The following PTDSS2 variants were observed in gnomAD, a reference collection of about 807,000 sequenced individuals.
PTDSS2 encodes PSS-2.
In PTDSS2, 41 loss-of-function variants were observed where a neutral mutation model predicts 64.7. That is an observed-to-expected ratio of 0.63 (90% CI 0.49 to 0.82). The LOEUF is 0.82. PTDSS2 is among the 40% of genes least tolerant of loss of function. PTDSS2 has a pLI of 0.00. For missense variants in PTDSS2, 485 were observed against 650.0 expected, an observed-to-expected ratio of 0.75 and a Z score of 2.76; for synonymous variants, 297 against 277.8, an observed-to-expected ratio of 1.07 and a Z score of -0.69.
At chr11:457,372 G>T (rs906597364) in intron 1 of PTDSS2, among the ~76,000 whole-genome samples, 1 of 152,252 alleles carries the variant, frequency 6.6e-6, no homozygotes, top group East Asian at 1.9e-4. Flanking sequence ...AGTCGTGTGT[G>T]GGTGACAGCA....
At position 490,825 on chromosome 11, in the gene PTDSS2, T is replaced by G. The variant is rs981234270; in HGVS notation, c.*243T>G. 1.3e-5 allele frequency: 7 copies of G among 558,460 alleles called. No homozygotes were observed. The highest frequency in any genetic ancestry group is 1.9e-5 in the African/African-American group (1 of 52,326). The allele number at this position is 558,460 out of a possible 1,614,324, so 34.6% of individuals were successfully genotyped here. ...GCGTGTGTACGCGCGTGTGTACACA[T>G]GCGTGGCCGCCTGTGGTGTGCACGT... On this transcript the variant is annotated 3_prime_UTR_variant, in exon 12 of 12. Transcript: ENST00000308020.
intron 4 of PTDSS2, 114 bp from the exon 5 acceptor site, chr11:486,825 G>A (rs1848414137): frequency 7.3e-7 from 1 of 1,375,538 alleles, no homozygotes; most frequent in Non-Finnish European, 9.6e-7. Flanking sequence ...TCCAGCCTGG[G>A]CGACAGAGCG....
Position 489,961 on chromosome 11 carries a change from G to C in PTDSS2, c.1194G>C (p.Lys398Asn). 3 of 1,611,674 alleles carry C rather than the reference G, an allele frequency of 1.9e-6. No individual in the cohort carries two copies. Among genetic ancestry groups the C allele is most frequent in the Non-Finnish European group, 2.5e-6 (3 of 1,179,800 alleles). The change falls in exon 11 of 12, where the codon AAG becomes AAC. Residue 398 changes from lysine (K) to asparagine (N), a missense_variant. Lys to Asn is a moderately conservative substitution (Grantham distance 94). Transcript: ENST00000308020. ...ITATELLIVV[K>N]YDPHTLTLSL... Reference sequence around the variant, plus strand: ...CCACGGAGCTGCTCATCGTGGTGAAGTACGACCCCCACACGCTCACCCTGT... The same window carrying C: ...CCACGGAGCTGCTCATCGTGGTGAACTACGACCCCCACACGCTCACCCTGT...
At chr11:485,121 G>T (rs139668637) in intron 4 of PTDSS2, among the ~76,000 whole-genome samples, 2 of 122,800 alleles carry the variant, frequency 1.6e-5, no homozygotes, top group Non-Finnish European at 3.3e-5. Flanking sequence ...GCACGGGCGC[G>T]TGTGCTCACT....
intron 1 of PTDSS2, among the ~76,000 whole-genome samples, chr11:456,885 A>G (rs1000281784): frequency 7.2e-5 from 11 of 152,196 alleles, no homozygotes; most frequent in African/African-American, 2.7e-4. Context: ...ATCTAAAGAA[A>G]AAGGTGGTTG....
At position 460,090 on chromosome 11, in the gene PTDSS2, C is replaced by G; in HGVS notation, c.183-97C>G. ...GGAGTTGGAGAGTGGAGTTTAAGCC[C>G]TCTCCTTGACGTAGAGAGGATTTGG... is the stretch of plus-strand genomic sequence containing the variant. On this transcript the variant is annotated intron_variant, in intron 1 of 11. Transcript: ENST00000308020. The surrounding 1 kb of genome is among the most constrained non-coding windows in gnomAD (Gnocchi z 5.8). 1.1e-6 allele frequency: 1 copy of G among 940,372 alleles called. No homozygotes were observed. The highest frequency in any genetic ancestry group is 1.7e-6 in the Non-Finnish European group (1 of 595,228). The allele number at this position is 940,372 out of a possible 1,614,324, so 58.3% of individuals were successfully genotyped here. A position where few individuals can be genotyped will look rare whatever the true frequency, so the allele number is the denominator to read the frequency against.
Position 479,274 on chromosome 11 carries a change from C to T in PTDSS2, c.435+122C>T. 1.1e-6 allele frequency: 1 copy of T among 888,122 alleles called. No homozygotes were observed. Among genetic ancestry groups the T allele is most frequent in the South Asian group, 1.3e-5 (1 of 75,712 alleles). 55.0% of individuals were successfully genotyped at this position (888,122 alleles called of 1,614,324 possible). On this transcript the variant is annotated intron_variant, in intron 4 of 11. Transcript: ENST00000308020. The surrounding 1 kb of genome is among the most constrained non-coding windows in gnomAD (Gnocchi z 4.2). ...TGATGGGAGGAAGCAGGGCTAGACC[C>T]CCACAAAGTAGGCCGAGCTGCGGGG...
chr11:488,489 A>G, intron 7 of PTDSS2, 40 bp from the exon 8 acceptor site: 1 of 1,549,498 alleles, frequency 6.5e-7, no homozygotes, highest in Non-Finnish European at 8.9e-7. Context: ...GGGGCTCGTT[A>G]CCCCTCACCC....
chr11:465,679 C>G lies in PTDSS2; in HGVS notation c.284+5391C>G, dbSNP rs571763562. 2.0e-5 allele frequency among the ~76,000 whole-genome samples: 3 copies of G among 151,996 alleles called. No homozygotes were observed. In the South Asian group the frequency reaches 6.3e-4, roughly 32 times the overall value. On this transcript the variant is annotated intron_variant, in intron 2 of 11. Transcript: ENST00000308020. ...GTGGTTCATGCCCTTAATCCTAGCA[C>G]TTTGGAAGGCCAATCTAGGAGGATT...
In PTDSS2 at chr11:489,520, G is replaced by T. The variant is rs376789995; in HGVS notation, c.969+6G>T. On this transcript the variant is annotated splice_donor_region_variant and intron_variant, in intron 9 of 11. Transcript: ENST00000308020. ...TGTGCGGCATCATCCTGGTGGTAAG[G>T]CCGGGCTGCCTCGCGACGGCGCGGC... 12 of 1,612,088 alleles carry T rather than the reference G, an allele frequency of 7.4e-6. No individual in the cohort carries two copies. The African/African-American group carries it at 1.5e-4, about 20-fold the overall frequency.
rs367699244 is a variant in PTDSS2 at position 487,490 on chromosome 11, C to T, written c.621+20C>T. On this transcript the variant is annotated intron_variant, in intron 6 of 11. Transcript: ENST00000308020. ...CTGAAGGTACGGCACCTCCTCTTCC[C>T]GGCCTCCCCGCCCCGGTTCTGAGGC... is the stretch of plus-strand genomic sequence containing the variant. 27 of 1,612,014 alleles carry T rather than the reference C, an allele frequency of 1.7e-5. No homozygotes were observed. Among genetic ancestry groups the T allele is most frequent in the East Asian group, 6.7e-5 (3 of 44,890 alleles).
chr11:450,124 G>A (rs1439306137), upstream of PTDSS2, among the ~76,000 whole-genome samples: 1 of 152,196 alleles, frequency 6.6e-6, no homozygotes, highest in African/African-American at 2.4e-5. Flanking sequence ...GGCGAGACCC[G>A]CGCCATCCGC....
Position 479,209 on chromosome 11 carries a change from G to T in PTDSS2, c.435+57G>T, listed in dbSNP as rs377085819. On this transcript the variant is annotated intron_variant, in intron 4 of 11. Transcript: ENST00000308020. This position sits in a 1 kb window ranked among gnomAD's most constrained non-coding sequence, Gnocchi z 4.2. Reference sequence around the variant, plus strand: ...AACTTAGGTGACAGTGTGGCCCCAGGCATGGTGACAAAGGAGGCCTTGCCC... The same window carrying T: ...AACTTAGGTGACAGTGTGGCCCCAGTCATGGTGACAAAGGAGGCCTTGCCC... 1.2e-3 allele frequency: 1,729 copies of T among 1,423,834 alleles called. 1 individual carries two copies. The highest frequency in any genetic ancestry group is 1.3e-3 in the Non-Finnish European group (1,356 of 1,006,408). 88.2% of individuals were successfully genotyped at this position (1,423,834 alleles called of 1,614,324 possible).
intron 1 of PTDSS2, among the ~76,000 whole-genome samples, chr11:452,615 C>G (rs1470612784): frequency 6.6e-6 from 1 of 152,182 alleles, no homozygotes. Flanking sequence ...CTTCCTGGGT[C>G]TTCTGGGTGG....
intron 2 of PTDSS2, among the ~76,000 whole-genome samples, chr11:469,508 G>A (rs1244608346): frequency 6.6e-6 from 1 of 151,538 alleles, no homozygotes; most frequent in Non-Finnish European, 1.5e-5. Context: ...GGAGTCTCTG[G>A]GTAATCGGAG....
At chr11:466,181 C>G (rs1847131575) in intron 2 of PTDSS2, among the ~76,000 whole-genome samples, 1 of 152,114 alleles carries the variant, frequency 6.6e-6, no homozygotes, top group South Asian at 2.1e-4. Flanking sequence ...CCAGACCAGC[C>G]TGTGTAACAT....
At chr11:449,586 T>G (rs1433742265), upstream of PTDSS2, among the ~76,000 whole-genome samples, 2 of 152,204 alleles carry the variant, frequency 1.3e-5, no homozygotes, top group African/African-American at 2.4e-5. Flanking sequence ...TGTCAACAAT[T>G]TGGGTCAACT....
chr11:472,301 A>AG (rs1847502957), intron 2 of PTDSS2, among the ~76,000 whole-genome samples: 1 of 152,172 alleles, frequency 6.6e-6, no homozygotes, highest in Non-Finnish European at 1.5e-5. Context: ...GTCTGGCTCC[A>AG]GGGGGCCCTG....
At chr11:486,303 G>T (rs1023970695) in intron 4 of PTDSS2, among the ~76,000 whole-genome samples, 1 of 152,094 alleles carries the variant, frequency 6.6e-6, no homozygotes, top group Admixed American at 6.5e-5. Flanking sequence ...AGGGGTCGGG[G>T]TGGGGGCGGC....
Sources: allele counts gnomAD v4.1 joint callset (sites outside exome capture counted in the v4.1 genomes callset), GRCh38; gene constraint gnomAD v4.1.1; non-coding constraint Gnocchi (gnomAD v3.1); transcripts MANE v1.5; gene names NCBI Gene and HGNC (gene_info 2026-07-23, HGNC 2026-07-21).